Variants in WAC observed in about 807,000 individuals in gnomAD.
WAC encodes the protein WW domain-containing adapter protein with coiled-coil.
Under a neutral mutation model 79.6 loss-of-function variants are expected in WAC, and 11 were observed. That is an observed-to-expected ratio of 0.14 (90% CI 0.09 to 0.23). WAC has a LOEUF of 0.23. Among genes scored for constraint, WAC ranks in the 10% least tolerant of loss-of-function variants. The probability of loss-of-function intolerance (pLI) is 1.00; values close to 1 mark genes in which losing one functional copy is unlikely to be tolerated. For synonymous variants in WAC, 304 were observed against 276.9 expected (o/e 1.10, Z -0.97); for missense variants, 728 against 773.5 (o/e 0.94, Z 0.70).
intron 3 of WAC, among the ~76,000 whole-genome samples, chr10:28,540,738 G>A (rs1005722768): frequency 6.6e-6 from 1 of 152,068 alleles, no homozygotes; most frequent in African/African-American, 2.4e-5. Context: ...ATTGATTTAT[G>A]CTTTGTGATA....
intron 3 of WAC, among the ~76,000 whole-genome samples, chr10:28,558,056 A>G (rs1838092518): frequency 6.6e-6 from 1 of 152,196 alleles, no homozygotes; most frequent in African/African-American, 2.4e-5. Flanking sequence ...CCTGGGCAAC[A>G]GAGCGAGATT....
intron 3 of WAC, chr10:28,537,676 T>G (rs1305370847): frequency 6.6e-6 from 1 of 152,118 alleles, no homozygotes; most frequent in Non-Finnish European, 1.5e-5. Context: ...CTCCTGGGAG[T>G]CAAGATGTGA....
rs566024326 is a variant in WAC at position 28,535,709 on chromosome 10, A to G, written c.226A>G (p.Ser76Gly). 3.1e-6 allele frequency: 5 copies of G among 1,613,982 alleles called. No individual in the cohort carries two copies. The highest frequency in any genetic ancestry group is 1.3e-5 in the African/African-American group (1 of 74,922). The change falls in exon 3 of 14, where the codon AGT becomes GGT. Residue 76 changes from serine to glycine, a missense_variant. By Grantham distance (56) the Ser-to-Gly change is moderately conservative. Around this residue, in one of 3 missense-constraint regions of WAC, gnomAD observed 648 missense variants for 661.5 expected, o/e 0.98. Transcript: ENST00000354911. Reference sequence around the variant, plus strand: ...CAAATACAGTGACAGCACAGGTCACAGTAAGGCCAAAAATGTGCATACTCA... The same window carrying G: ...CAAATACAGTGACAGCACAGGTCACGGTAAGGCCAAAAATGTGCATACTCA... ...ENKYSDSTGH[S>G]KAKNVHTHRV...
chr10:28,558,010 G>GT (rs1261809633), intron 3 of WAC, among the ~76,000 whole-genome samples: 2 of 152,098 alleles, frequency 1.3e-5, no homozygotes, highest in Admixed American at 6.6e-5. Context: ...GGAGGCGGAA[G>GT]TTGCAGTGAG....
At position 28,622,854 on chromosome 10, in the gene WAC, A is replaced by G. The variant is rs889185127; in HGVS notation, c.*3248A>G. ...ACGCGGGAAATAATTCACTCTGCGC[A>G]CCGGAACTATTGTAGTTCAGGACTT... On this transcript the variant is annotated 3_prime_UTR_variant, in exon 14 of 14. Transcript: ENST00000354911. 2.6e-5 allele frequency: 4 copies of G among 152,222 alleles called. No individual in the cohort carries two copies. Among genetic ancestry groups the G allele is most frequent in the South Asian group, 4.1e-4 (2 of 4,822 alleles). 9.4% of individuals were successfully genotyped at this position (152,222 alleles called of 1,614,324 possible). A position where few individuals can be genotyped will look rare whatever the true frequency, so the allele number is the denominator to read the frequency against.
chr10:28,563,933 A>C (rs1027890985), intron 3 of WAC, among the ~76,000 whole-genome samples: 2 of 151,628 alleles, frequency 1.3e-5, no homozygotes, highest in African/African-American at 2.4e-5. Flanking sequence ...ATTATAGTAA[A>C]ATATTATTTG....
chr10:28,551,822 C>CT lies in WAC; in HGVS notation c.274+16082dup, dbSNP rs1200045992. On this transcript the variant is annotated intron_variant, in intron 3 of 13. Transcript: ENST00000354911. ...TGTGTGTGTGTGTGTGTGTGTGTTT[C>CT]TTTTTTTTTTTTTTTTTCCTGAGAT... Among the ~76,000 whole-genome samples the CT allele has an allele frequency of 1.0e-2, 588 of 58,986 alleles. 6 individuals carry two copies. The highest frequency in any genetic ancestry group is 0.024 in the South Asian group (42 of 1,754). 38.7% of individuals were successfully genotyped at this position (58,986 alleles called of 152,430 possible).
intron 2 of WAC, 165 bp downstream of exon 2, chr10:28,534,199 G>C: frequency 1.7e-6 from 1 of 601,904 alleles, no homozygotes; most frequent in Non-Finnish European, 2.8e-6. Context: ...TTCCTTTAGC[G>C]CTCTCCAGCA....
intron 3 of WAC, among the ~76,000 whole-genome samples, chr10:28,558,098 G>GAGTA (rs1838096882): frequency 6.6e-6 from 1 of 152,066 alleles, no homozygotes; most frequent in South Asian, 2.1e-4. Flanking sequence ...AATACTCTTA[G>GAGTA]AGTCACTTGA....
At chr10:28,549,780 G>T (rs1455066865) in intron 3 of WAC, among the ~76,000 whole-genome samples, 1 of 152,032 alleles carries the variant, frequency 6.6e-6, no homozygotes, top group Non-Finnish European at 1.5e-5. Flanking sequence ...TACATAAGAG[G>T]CCACTGAAAT....
intron 3 of WAC, among the ~76,000 whole-genome samples, chr10:28,546,946 T>C (rs770746725): frequency 6.6e-6 from 1 of 152,140 alleles, no homozygotes; most frequent in Non-Finnish European, 1.5e-5. Flanking sequence ...CTGTTAGGCT[T>C]TCTTTTTGTT....
Position 28,619,567 on chromosome 10 carries a change from A to T in WAC, c.1905A>T (p.Glu635Asp). 1 of 1,586,500 alleles carries T rather than the reference A, an allele frequency of 6.3e-7. No individual in the cohort carries two copies. Among genetic ancestry groups the T allele is most frequent in the Admixed American group, 2.0e-5 (1 of 51,134 alleles). ...RILFLRQQIK[E>D]LEKLKNQNSF... Reference sequence around the variant, plus strand: ...TATTTTTGAGACAACAAATTAAGGAACTTGAAAAGCTAAAAAATCAGAATT... The same window carrying T: ...TATTTTTGAGACAACAAATTAAGGATCTTGAAAAGCTAAAAAATCAGAATT... The change falls in exon 14 of 14, where the codon GAA becomes GAT. Residue 635 changes from glutamate (E) to aspartate (D), a missense_variant. By Grantham distance (45) the Glu-to-Asp change is conservative. Coordinates refer to ENST00000354911, the MANE Select transcript of WAC (RefSeq NM_016628.5).
chr10:28,578,461 T>A (rs1839363257), intron 3 of WAC, among the ~76,000 whole-genome samples: 2 of 152,142 alleles, frequency 1.3e-5, no homozygotes, highest in South Asian at 4.1e-4. Context: ...AATAAGGACA[T>A]AAATGCCATA....
intron 6 of WAC, 194 bp downstream of exon 6, chr10:28,591,026 C>CA: frequency 1.8e-6 from 1 of 542,888 alleles, no homozygotes; most frequent in Non-Finnish European, 3.3e-6. Flanking sequence ...TCGAGTAGTA[C>CA]AGGTATGTGT....
Position 28,550,123 on chromosome 10 carries a change from C to G in WAC, c.274+14366C>G, listed in dbSNP as rs77865174. ...GATGGAGGTCGCGGTGAGCGGAGAT[C>G]ACACCACTGCACTCCAGTGGGTGAT... is the stretch of plus-strand genomic sequence containing the variant. On this transcript the variant is annotated intron_variant, in intron 3 of 13. Coordinates refer to ENST00000354911, the MANE Select transcript of WAC (RefSeq NM_016628.5). 6.6e-3 allele frequency among the ~76,000 whole-genome samples: 988 copies of G among 150,328 alleles called. 9 individuals carry two copies. The highest frequency in any genetic ancestry group is 0.019 in the African/African-American group (784 of 40,660).
chr10:28,540,540 A>G (rs1011823317), intron 3 of WAC, among the ~76,000 whole-genome samples: 8 of 152,360 alleles, frequency 5.3e-5, no homozygotes, highest in Admixed American at 5.2e-4. Context: ...AAGTTTTGAC[A>G]TGGAAGCATG....
chr10:28,538,974 CTT>C (rs1836849733), intron 3 of WAC, among the ~76,000 whole-genome samples: 1 of 151,272 alleles, frequency 6.6e-6, no homozygotes. Flanking sequence ...ATGTAAAAAA[CTT>C]AAGATTACAG....
At chr10:28,556,387 A>ATTTTTTTTTTTTTTTTTTTTTTTTTTT in intron 3 of WAC, among the ~76,000 whole-genome samples, 1 of 29,966 alleles carries the variant, frequency 3.3e-5, no homozygotes, top group Non-Finnish European at 7.9e-5. Context: ...TTGCCCATTA[A>ATTTTTTTTTTTTTTTTTTTTTTTTTTT]ATTTTTTTTT....
intron 3 of WAC, among the ~76,000 whole-genome samples, chr10:28,540,378 A>T (rs939005618): frequency 6.6e-6 from 1 of 152,168 alleles, no homozygotes; most frequent in Non-Finnish European, 1.5e-5. Context: ...CTATGGCATG[A>T]ATTAGTTTGA....
Sources: allele counts gnomAD v4.1 joint callset (sites outside exome capture counted in the v4.1 genomes callset), GRCh38; gene constraint gnomAD v4.1.1; regional missense constraint gnomAD v4.1.1; transcripts MANE v1.5; gene names NCBI Gene and HGNC (gene_info 2026-07-23, HGNC 2026-07-21).